Variants in PLOD2 observed in about 807,000 individuals in gnomAD.
PLOD2 encodes the protein procollagen-lysine,2-oxoglutarate 5-dioxygenase 2, also known as lysine hydroxylase 2.
A neutral mutation model predicts 101.0 loss-of-function variants in PLOD2; 65 were observed. The ratio of observed to expected loss-of-function variants is 0.64; its 90% CI spans 0.53 to 0.79. PLOD2 has a LOEUF of 0.79. PLOD2 is among the 30% of genes least tolerant of loss of function. PLOD2 has a pLI of 0.00. For synonymous variants in PLOD2, 314 were observed against 302.9 expected (o/e 1.04, Z -0.38); for missense variants, 909 against 914.6 (o/e 0.99, Z 0.08).
chr3:146,122,610 T>A (rs993902951), intron 2 of PLOD2, among the ~76,000 whole-genome samples: 3 of 152,140 alleles, frequency 2.0e-5, no homozygotes, highest in African/African-American at 4.8e-5. Flanking sequence ...AGCCAGGCAA[T>A]GCAGATGTTG....
chr3:146,070,474 GAAAT>G lies in PLOD2; in HGVS notation c.*239_*242del, dbSNP rs1334039248. ...TTATTCTCAGAGGCAACAAAGCATA[GAAAT>G]AAATATTTAAGTTTTTTCTTTCTTT... On this transcript the variant is annotated 3_prime_UTR_variant, in exon 20 of 20. Transcript: ENST00000282903. 1.7e-5 allele frequency: 5 copies of G among 286,640 alleles called. No homozygotes were observed. The highest frequency in any genetic ancestry group is 3.2e-5 in the Non-Finnish European group (5 of 154,548). 17.8% of individuals were successfully genotyped at this position (286,640 alleles called of 1,614,324 possible). A position where few individuals can be genotyped will look rare whatever the true frequency, so the allele number is the denominator to read the frequency against.
intron 1 of PLOD2, among the ~76,000 whole-genome samples, chr3:146,152,078 A>C (rs2032081748): frequency 4.6e-5 from 7 of 152,224 alleles, no homozygotes. Context: ...TACTAAAATC[A>C]AGAATTAAAG....
chr3:146,078,031 G>C (rs1337846742), intron 13 of PLOD2, 107 bp from the exon 14 acceptor site: 3 of 768,990 alleles, frequency 3.9e-6, no homozygotes, highest in Middle Eastern at 2.6e-4. Flanking sequence ...CTAACATTCT[G>C]AAATGTCCTT....
At chr3:146,099,027 G>A (rs1000408208) in intron 7 of PLOD2, among the ~76,000 whole-genome samples, 1 of 151,920 alleles carries the variant, frequency 6.6e-6, no homozygotes, top group Non-Finnish European at 1.5e-5. Flanking sequence ...TCGAGTTTTT[G>A]TATTATACCA....
chr3:146,132,304 G>A lies in PLOD2; in HGVS notation c.110-8075C>T, dbSNP rs1340547678. Among the ~76,000 whole-genome samples, 3 of 152,132 alleles carry A rather than the reference G, an allele frequency of 2.0e-5. No homozygotes were observed. In the East Asian group the frequency reaches 5.8e-4, roughly 29 times the overall value. The stretch of plus-strand genomic sequence containing the variant: ...GTCACCATAGCAGTATGTGCAGTGG[G>A]ATGGAGAGGGCAAGTATCGCCAGTT... On this transcript the variant is annotated intron_variant, in intron 1 of 19. Transcript: ENST00000282903.
At chr3:146,093,502 C>A (rs1388057283) in intron 7 of PLOD2, among the ~76,000 whole-genome samples, 1 of 152,078 alleles carries the variant, frequency 6.6e-6, no homozygotes, top group Non-Finnish European at 1.5e-5. Context: ...AAACATTAAT[C>A]ATTTGTGTTC....
At chr3:146,132,991 T>C (rs962425337) in intron 1 of PLOD2, among the ~76,000 whole-genome samples, 11 of 152,032 alleles carry the variant, frequency 7.2e-5, no homozygotes, top group East Asian at 5.8e-4. Flanking sequence ...ATCCTGGCTA[T>C]GGTGAAACCC....
At chr3:146,073,052 A>G (rs1416124909) in intron 16 of PLOD2, among the ~76,000 whole-genome samples, 1 of 151,644 alleles carries the variant, frequency 6.6e-6, no homozygotes, top group African/African-American at 2.4e-5. Context: ...TCAGAAAGCT[A>G]TGACACATAG....
At chr3:146,082,984 G>A (rs781720783) in intron 11 of PLOD2, among the ~76,000 whole-genome samples, 21 of 152,154 alleles carry the variant, frequency 1.4e-4, no homozygotes, top group Non-Finnish European at 2.6e-4. Flanking sequence ...CTATTAATCA[G>A]AAACACATGT....
chr3:146,111,979 A>G (rs976684516), intron 3 of PLOD2, among the ~76,000 whole-genome samples: 2 of 152,136 alleles, frequency 1.3e-5, no homozygotes, highest in Admixed American at 6.6e-5. Context: ...CCCTTTGTGC[A>G]TTGCCTGGAG....
chr3:146,131,928 C>T (rs1337346734), intron 1 of PLOD2, among the ~76,000 whole-genome samples: 1 of 110,326 alleles, frequency 9.1e-6, no homozygotes, highest in Admixed American at 8.7e-5. Flanking sequence ...ACAATTTCAA[C>T]AAGAAAAAAA....
chr3:146,113,512 T>C (rs1481373079), intron 3 of PLOD2, among the ~76,000 whole-genome samples: 2 of 152,242 alleles, frequency 1.3e-5, no homozygotes, highest in Non-Finnish European at 2.9e-5. Context: ...CATGGACATT[T>C]ATTAGTTCCC....
intron 4 of PLOD2, among the ~76,000 whole-genome samples, chr3:146,108,927 G>A (rs1375639687): frequency 6.6e-6 from 1 of 152,210 alleles, no homozygotes; most frequent in Non-Finnish European, 1.5e-5. Flanking sequence ...AACAATGGAG[G>A]ACTTAGAATA....
chr3:146,102,398 A>G (rs1489434151), intron 7 of PLOD2, among the ~76,000 whole-genome samples: 1 of 152,180 alleles, frequency 6.6e-6, no homozygotes, highest in Non-Finnish European at 1.5e-5. Flanking sequence ...GTTAACTTAG[A>G]AAACGGCAAG....
In PLOD2 at chr3:146,088,684, A is replaced by G; in HGVS notation, c.907T>C (p.Phe303Leu). 6.2e-7 allele frequency: 1 copy of G among 1,608,022 alleles called. No homozygotes were observed. The highest frequency in any genetic ancestry group is 2.2e-5 in the East Asian group (1 of 44,718). Residue 303 changes from phenylalanine (F) to leucine (L), a missense_variant, in exon 9 of 20, where the codon TTT (phenylalanine) becomes CTT (leucine). Transcript: ENST00000282903. ...DVHPNVSIGV[F>L]IEQPTPFLPR... Reference sequence around the variant, plus strand: ...AGAAAAGGGGTTGGTTGCTCAATAAAAACACCTATTGATACGTTTGGATGG... The same window carrying G: ...AGAAAAGGGGTTGGTTGCTCAATAAGAACACCTATTGATACGTTTGGATGG...
chr3:146,145,930 T>C (rs2108132112), intron 1 of PLOD2, among the ~76,000 whole-genome samples: 1 of 152,292 alleles, frequency 6.6e-6, no homozygotes, highest in Non-Finnish European at 1.5e-5. Context: ...TATCATAAAA[T>C]TGTAATTAGG....
At position 146,076,848 on chromosome 3, in the gene PLOD2, T is replaced by A. The variant is rs1273844883; in HGVS notation, c.1611A>T (p.Leu537Phe). 5.0e-6 allele frequency: 8 copies of A among 1,592,458 alleles called. No homozygotes were observed. The highest frequency in any genetic ancestry group is 6.9e-6 in the Non-Finnish European group (8 of 1,161,850). ...GGGAAGTATTGTAATTAGCAGTGGATAATAGCCTTCCAAATTCATGTCTAT... is the reference window on the plus strand; with the variant it reads ...GGGAAGTATTGTAATTAGCAGTGGAAAATAGCCTTCCAAATTCATGTCTAT... ...ISNRHEFGRLLSTANYNTSHY... is the reference protein window; with the variant it reads ...ISNRHEFGRLFSTANYNTSHY... Residue 537 changes from leucine (L) to phenylalanine (F), a missense_variant, in exon 15 of 20, where the codon TTA becomes TTT. Transcript: ENST00000282903.
At chr3:146,134,459 A>G (rs1559866540) in intron 1 of PLOD2, among the ~76,000 whole-genome samples, 1 of 152,196 alleles carries the variant, frequency 6.6e-6, no homozygotes. Flanking sequence ...CTGAATTCCA[A>G]GGGTTCAAAG....
intron 9 of PLOD2, among the ~76,000 whole-genome samples, chr3:146,087,156 C>T (rs1936807017): frequency 6.6e-6 from 1 of 151,914 alleles, no homozygotes; most frequent in Non-Finnish European, 1.5e-5. Context: ...TCAATATCTA[C>T]TGCTAGACAA....
Sources: gnomAD v4.1 joint callset for allele counts (sites outside exome capture counted in the v4.1 genomes callset) on GRCh38, gnomAD v4.1.1 for gene constraint, MANE v1.5 for transcripts, NCBI Gene and HGNC (gene_info 2026-07-23, HGNC 2026-07-21) for gene names.